The following ATG2B variants were observed in gnomAD, a reference collection of about 807,000 sequenced individuals.
ATG2B encodes the protein autophagy related 2B.
ATG2B carries 121 observed loss-of-function variants against 241.3 expected under a neutral mutation model. That is an observed-to-expected ratio of 0.50 (90% CI 0.43 to 0.58). The LOEUF (loss-of-function observed/expected upper bound fraction) is 0.58. ATG2B is among the 20% of genes least tolerant of loss of function. The pLI is 0.00. For synonymous variants in ATG2B, 858 were observed against 876.6 expected (o/e 0.98, Z 0.37); for missense variants, 2,306 against 2,491.6 (o/e 0.93, Z 1.59).
Position 96,352,540 on chromosome 14 carries a change from T to C in ATG2B, c.163-5199A>G, listed in dbSNP as rs575791083. Among the ~76,000 whole-genome samples, 10 of 152,092 alleles carry C rather than the reference T, an allele frequency of 6.6e-5. No homozygotes were observed. The East Asian group carries it at 1.9e-3, about 29-fold the overall frequency. ...ATGTGGAGGTAGAAGGTGGTGACAT[T>C]GATGATCCTTACCCTGTGTAGGCCT... On this transcript the variant is annotated intron_variant, in intron 1 of 41. Coordinates refer to ENST00000359933, the MANE Select transcript of ATG2B (RefSeq NM_018036.7).
rs1487029025 is a variant in ATG2B, at chr14:96,290,026, T to C, written c.5857-221A>G. 2 of 974,202 alleles carry C rather than the reference T, an allele frequency of 2.1e-6. No individual in the cohort carries two copies. Among genetic ancestry groups the C allele is most frequent in the East Asian group, 6.5e-5 (2 of 30,916 alleles). 60.3% of individuals were successfully genotyped at this position (974,202 alleles called of 1,614,324 possible). A position where few individuals can be genotyped will look rare whatever the true frequency, so the allele number is the denominator to read the frequency against. ...TAACTAACACCTGGATTGAGCTAAA[T>C]TTTTAGCCCCTCCTCTGTTCACTGA... On this transcript the variant is annotated intron_variant, in intron 40 of 41. Transcript: ENST00000359933. This position sits in a 1 kb window ranked among gnomAD's most constrained non-coding sequence, Gnocchi z 4.4.
rs137872194 is a variant in ATG2B at position 96,321,773 on chromosome 14, C to T, written c.2879+339G>A. ...GAATGGGGTTCTGATTCTACTCCAG[C>T]ATTGGCTAGCTGTATTAGCATCTCT... On this transcript the variant is annotated intron_variant, in intron 18 of 41. Coordinates refer to ENST00000359933, the MANE Select transcript of ATG2B (RefSeq NM_018036.7). Among the ~76,000 whole-genome samples, 161 of 152,270 alleles carry T rather than the reference C, an allele frequency of 1.1e-3. 1 individual carries two copies. The highest frequency in any genetic ancestry group is 3.7e-3 in the African/African-American group (153 of 41,542).
intron 18 of ATG2B, among the ~76,000 whole-genome samples, chr14:96,319,691 T>C (rs1431782555): frequency 1.3e-5 from 2 of 152,210 alleles, no homozygotes; most frequent in Non-Finnish European, 2.9e-5. Flanking sequence ...TTCTGAGAGC[T>C]GAATTACCAG....
chr14:96,302,365 C>T lies in ATG2B; in HGVS notation c.5038-257G>A, dbSNP rs147767210. On this transcript the variant is annotated intron_variant, in intron 33 of 41. Transcript: ENST00000359933. ...TTGGGAGGCTAAGGTGGGAGGATTA[C>T]TTGAGTTCAGGAGTTCCAGACCAGC... Among the ~76,000 whole-genome samples, 35 of 152,174 alleles carry T rather than the reference C, an allele frequency of 2.3e-4. No homozygotes were observed. The East Asian group carries it at 6.4e-3, about 28-fold the overall frequency.
chr14:96,290,618 C>G lies in ATG2B; in HGVS notation c.5702-28G>C. On this transcript the variant is annotated intron_variant, in intron 39 of 41. Transcript: ENST00000359933. The surrounding 1 kb of genome is among the most constrained non-coding windows in gnomAD (Gnocchi z 4.4). The stretch of plus-strand genomic sequence containing the variant: ...ACAACAGTCAACACAAAATCAACAT[C>G]AGTGCCACAGTTCAGACTTTTCTAT... 2 of 1,611,940 alleles carry G rather than the reference C, an allele frequency of 1.2e-6. No individual in the cohort carries two copies. Among genetic ancestry groups the G allele is most frequent in the Non-Finnish European group, 1.7e-6 (2 of 1,178,640 alleles).
chr14:96,330,632 C>T (rs746405882), intron 11 of ATG2B, among the ~76,000 whole-genome samples: 1 of 152,150 alleles, frequency 6.6e-6, no homozygotes, highest in Non-Finnish European at 1.5e-5. Context: ...GGCATGGTGG[C>T]ACATGCCTGT....
At chr14:96,349,288 G>T (rs1888251949) in intron 1 of ATG2B, among the ~76,000 whole-genome samples, 1 of 152,246 alleles carries the variant, frequency 6.6e-6, no homozygotes. Flanking sequence ...GTGTGCCAGG[G>T]CGAAGACCCA....
At chr14:96,356,338 C>A (rs933943853) in intron 1 of ATG2B, among the ~76,000 whole-genome samples, 2 of 152,044 alleles carry the variant, frequency 1.3e-5, no homozygotes, top group Non-Finnish European at 2.9e-5. Context: ...ACAAATATGG[C>A]AATTGAGGAT....
chr14:96,291,560 G>T (rs1253998172), intron 38 of ATG2B, 40 bp downstream of exon 38: 2 of 1,455,340 alleles, frequency 1.4e-6, no homozygotes, highest in Non-Finnish European at 1.9e-6. Flanking sequence ...CACTAACTTT[G>T]ATAACTTCAC....
intron 14 of ATG2B, among the ~76,000 whole-genome samples, chr14:96,327,308 C>T (rs978790772): frequency 6.6e-6 from 1 of 151,886 alleles, no homozygotes; most frequent in Non-Finnish European, 1.5e-5. Context: ...AAGAGAAAAG[C>T]AAAGAAGTAG....
At chr14:96,346,013 C>T (rs1443639858) in intron 2 of ATG2B, among the ~76,000 whole-genome samples, 1 of 151,974 alleles carries the variant, frequency 6.6e-6, no homozygotes, top group African/African-American at 2.4e-5. Flanking sequence ...AAATAAGATA[C>T]GATTAGTAGA....
chr14:96,287,832 C>G (rs981923394), intron 41 of ATG2B, among the ~76,000 whole-genome samples: 1 of 152,016 alleles, frequency 6.6e-6, no homozygotes, highest in African/African-American at 2.4e-5. Flanking sequence ...ATTGTAAATA[C>G]CATTATTAAT....
In ATG2B at chr14:96,328,776, A is replaced by G. The variant is rs1023807501; in HGVS notation, c.1882-10T>C. On this transcript the variant is annotated splice_polypyrimidine_tract_variant and intron_variant, in intron 12 of 41. Coordinates refer to ENST00000359933, the MANE Select transcript of ATG2B (RefSeq NM_018036.7). ...AATGGAACGTTAAAAGCTTAAAAGT[A>G]AAGATGAAGATAAATTAAATGTATT... The G allele has an allele frequency of 3.2e-6, 5 of 1,580,842 alleles. No individual in the cohort carries two copies. The African/African-American group carries it at 6.8e-5, about 21-fold the overall frequency.
chr14:96,344,949 T>G (rs1595331398), intron 3 of ATG2B, among the ~76,000 whole-genome samples, 193 bp from the exon 4 acceptor site: 2 of 152,190 alleles, frequency 1.3e-5, no homozygotes, highest in African/African-American at 4.8e-5. Flanking sequence ...CTTAACCATG[T>G]TACATCTCAA....
chr14:96,304,421 G>C lies in ATG2B; in HGVS notation c.4842+74C>G. On this transcript the variant is annotated intron_variant, in intron 32 of 41. Transcript: ENST00000359933. ...GTTGGGACTTAAGGCTCAAGACTAC[G>C]TGGTGGGGGATAACAAAAGAACCCC... is the stretch of plus-strand genomic sequence containing the variant. 4 of 1,097,442 alleles carry C rather than the reference G, an allele frequency of 3.6e-6. No individual in the cohort carries two copies. In the South Asian group the frequency reaches 5.2e-5, roughly 14 times the overall value. The allele number at this position is 1,097,442 out of a possible 1,614,324, so 68.0% of individuals were successfully genotyped here.
At chr14:96,358,021 C>T (rs1377663292) in intron 1 of ATG2B, among the ~76,000 whole-genome samples, 1 of 152,182 alleles carries the variant, frequency 6.6e-6, no homozygotes, top group Admixed American at 6.5e-5. Context: ...ATGAGAGAAA[C>T]GGGACTTGAT....
intron 3 of ATG2B, 140 bp downstream of exon 3, chr14:96,345,093 A>C (rs1477678153): frequency 1.6e-6 from 1 of 634,620 alleles, no homozygotes; most frequent in Non-Finnish European, 2.6e-6. Flanking sequence ...AAATACCTCA[A>C]TTCTAAAGTT....
chr14:96,281,081 A>G lies in ATG2B; in HGVS notation c.*4674T>C, dbSNP rs534839606. 1 of 152,318 alleles carries G rather than the reference A, an allele frequency of 6.6e-6. No homozygotes were observed. Among genetic ancestry groups the G allele is most frequent in the Admixed American group, 6.5e-5 (1 of 15,300 alleles). The allele number at this position is 152,318 out of a possible 1,614,324, so 9.4% of individuals were successfully genotyped here. The stretch of plus-strand genomic sequence containing the variant: ...GGGAGGGAAGAACTGTTAAAACTCC[A>G]TACAGCTCAGCAATCAGTAGCAGAC... On this transcript the variant is annotated 3_prime_UTR_variant, in exon 42 of 42. Coordinates refer to ENST00000359933, the MANE Select transcript of ATG2B (RefSeq NM_018036.7).
rs138516798 is a variant in ATG2B, at chr14:96,288,449, T to C, written c.6006+1207A>G. On this transcript the variant is annotated intron_variant, in intron 41 of 41. Coordinates refer to ENST00000359933, the MANE Select transcript of ATG2B (RefSeq NM_018036.7). ...CACAGATCTAATTTTAGCCTATTGA[T>C]AGCTGGCTCAATCCTGACATCTGTA... Among the ~76,000 whole-genome samples the C allele has an allele frequency of 5.8e-3, 891 of 152,362 alleles. 13 individuals carry two copies. Among genetic ancestry groups the C allele is most frequent in the African/African-American group, 0.02 (846 of 41,586 alleles).
Sources: allele counts gnomAD v4.1 joint callset (sites outside exome capture counted in the v4.1 genomes callset), GRCh38; gene constraint gnomAD v4.1.1; non-coding constraint Gnocchi (gnomAD v3.1); transcripts MANE v1.5; gene names NCBI Gene and HGNC (gene_info 2026-07-23, HGNC 2026-07-21).